PAPPA2: variants seen among roughly 807,000 people sequenced by gnomAD.
The protein encoded by PAPPA2 is pappalysin-2.
PAPPA2 carries 86 observed loss-of-function variants against 176.4 expected under a neutral mutation model. That is an observed-to-expected ratio of 0.49 (90% confidence interval 0.41 to 0.58). The LOEUF (loss-of-function observed/expected upper bound fraction) is 0.58, where lower values mean the gene tolerates loss of function less well. Among genes scored for constraint, PAPPA2 ranks in the 20% least tolerant of loss-of-function variants. The pLI is 0.00. For synonymous variants in PAPPA2, 809 were observed against 852.2 expected (o/e 0.95, Z 0.88); for missense variants, 2,073 against 2,256.9 (o/e 0.92, Z 1.65).
intron 10 of PAPPA2, among the ~76,000 whole-genome samples, chr1:176,707,857 A>G (rs1004950705): frequency 6.6e-6 from 1 of 152,002 alleles, no homozygotes; most frequent in Non-Finnish European, 1.5e-5. Context: ...CCTCTCCATT[A>G]TTCTCCTTTC....
chr1:176,795,064 T>C (rs1186273356), intron 20 of PAPPA2, among the ~76,000 whole-genome samples: 1 of 152,200 alleles, frequency 6.6e-6, no homozygotes, highest in Non-Finnish European at 1.5e-5. Flanking sequence ...ATCAAAGGCC[T>C]CTGCCCAATG....
At chr1:176,819,581 T>C (rs1666572406) in intron 21 of PAPPA2, among the ~76,000 whole-genome samples, 2 of 152,188 alleles carry the variant, frequency 1.3e-5, no homozygotes, top group African/African-American at 2.4e-5. Context: ...AATGAGATAA[T>C]GTTTGTGAGG....
At chr1:176,703,833 C>G (rs192383242) in intron 9 of PAPPA2, among the ~76,000 whole-genome samples, 1 of 152,314 alleles carries the variant, frequency 6.6e-6, no homozygotes, top group South Asian at 2.1e-4. Context: ...CCCTTGCTAC[C>G]TAACTCAGCC....
At chr1:176,496,953 G>A (rs1647665339) in intron 1 of PAPPA2, among the ~76,000 whole-genome samples, 1 of 152,050 alleles carries the variant, frequency 6.6e-6, no homozygotes, top group African/African-American at 2.4e-5. Flanking sequence ...CCAAAGCATG[G>A]CATAGGGCCA....
At chr1:176,822,164 G>A (rs1217014445) in intron 21 of PAPPA2, among the ~76,000 whole-genome samples, 1 of 152,138 alleles carries the variant, frequency 6.6e-6, no homozygotes, top group African/African-American at 2.4e-5. Flanking sequence ...TTGAGCAAAA[G>A]TTGTAAAACC....
chr1:176,736,228 A>G (rs1662402925), intron 12 of PAPPA2, among the ~76,000 whole-genome samples: 1 of 151,976 alleles, frequency 6.6e-6, no homozygotes, highest in Non-Finnish European at 1.5e-5. Flanking sequence ...ACACAGGCAT[A>G]CAGCTTCCTA....
chr1:176,837,200 G>A (rs1667305124), intron 21 of PAPPA2, among the ~76,000 whole-genome samples: 1 of 152,108 alleles, frequency 6.6e-6, no homozygotes, highest in African/African-American at 2.4e-5. Context: ...AAAAGCCGTG[G>A]CAAGAAAAGG....
At chr1:176,801,796 G>T (rs1557880593) in intron 21 of PAPPA2, among the ~76,000 whole-genome samples, 1 of 152,084 alleles carries the variant, frequency 6.6e-6, no homozygotes, top group East Asian at 1.9e-4. Context: ...CTTGGAGCTG[G>T]CTTCCGTGTT....
intron 1 of PAPPA2, among the ~76,000 whole-genome samples, chr1:176,529,320 T>C (rs1217313098): frequency 6.6e-6 from 1 of 152,066 alleles, no homozygotes; most frequent in Non-Finnish European, 1.5e-5. Context: ...GAAACTGATC[T>C]CTCTGACCTT....
chr1:176,509,960 G>C lies in PAPPA2; in HGVS notation c.-916-45447G>C, dbSNP rs1005117510. 2.0e-5 allele frequency among the ~76,000 whole-genome samples: 3 copies of C among 152,264 alleles called. No individual in the cohort carries two copies. In the East Asian group the frequency reaches 5.8e-4, roughly 29 times the overall value. ...GAGGCAGGAAGATCGCCTGAGCCAG[G>C]GAGGTTGAGACTGCCATGAGTTGTG... is the stretch of plus-strand genomic sequence containing the variant. On this transcript the variant is annotated intron_variant, in intron 1 of 22. Transcript: ENST00000367662.
At chr1:176,537,277 G>GAC (rs1650117525) in intron 1 of PAPPA2, 1 of 152,178 alleles carries the variant, frequency 6.6e-6, no homozygotes, top group Admixed American at 6.6e-5. Context: ...TGACTCAATG[G>GAC]ACACCCACTG....
intron 14 of PAPPA2, among the ~76,000 whole-genome samples, chr1:176,763,428 A>G (rs1663788346): frequency 2.0e-5 from 3 of 152,222 alleles, no homozygotes; most frequent in African/African-American, 7.2e-5. Context: ...TGGTTGAATC[A>G]GTGTTTAATG....
At chr1:176,798,725 G>C (rs1166699777) in intron 20 of PAPPA2, among the ~76,000 whole-genome samples, 1 of 152,142 alleles carries the variant, frequency 6.6e-6, no homozygotes, top group Admixed American at 6.5e-5. Flanking sequence ...TTTTCAGTAG[G>C]CTGAACACCC....
chr1:176,784,198 A>C (rs930845485), intron 17 of PAPPA2, among the ~76,000 whole-genome samples: 2 of 152,210 alleles, frequency 1.3e-5, no homozygotes, highest in Admixed American at 6.5e-5. Flanking sequence ...TGGAATCTCT[A>C]TCCTGGTAAG....
chr1:176,578,711 A>C (rs369242730), intron 2 of PAPPA2, among the ~76,000 whole-genome samples: 104 of 152,312 alleles, frequency 6.8e-4, no homozygotes, highest in African/African-American at 2.2e-3. Context: ...GCATATCCAT[A>C]TAAGGGAGGC....
At chr1:176,730,383 CA>C (rs1240950925) in intron 12 of PAPPA2, among the ~76,000 whole-genome samples, 2 of 151,746 alleles carry the variant, frequency 1.3e-5, no homozygotes, top group Non-Finnish European at 2.9e-5. Context: ...TCCATATATG[CA>C]AATTTAGTGC....
intron 21 of PAPPA2, among the ~76,000 whole-genome samples, chr1:176,811,896 C>A (rs1345120436): frequency 6.6e-6 from 1 of 152,046 alleles, no homozygotes; most frequent in Non-Finnish European, 1.5e-5. Context: ...ATTGCCCCCA[C>A]ACCCCTACAC....
At chr1:176,705,928 A>T in intron 9 of PAPPA2, among the ~76,000 whole-genome samples, 1 of 152,222 alleles carries the variant, frequency 6.6e-6, no homozygotes, top group East Asian at 1.9e-4. Flanking sequence ...AAACATAAAG[A>T]AATACCAGAT....
intron 12 of PAPPA2, among the ~76,000 whole-genome samples, chr1:176,721,953 C>G (rs1354570482): frequency 2.6e-5 from 4 of 151,648 alleles, no homozygotes; most frequent in Non-Finnish European, 5.9e-5. Flanking sequence ...ATGCTGTCGT[C>G]TGATTATTTT....
Sources: gnomAD v4.1 joint callset for allele counts (sites outside exome capture counted in the v4.1 genomes callset) on GRCh38, gnomAD v4.1.1 for gene constraint, MANE v1.5 for transcripts, NCBI Gene and HGNC (gene_info 2026-07-23, HGNC 2026-07-21) for gene names.